SRGN: variants seen among roughly 807,000 people sequenced by gnomAD.
SRGN encodes serglycin.
In SRGN, 2 loss-of-function variants were observed where a neutral mutation model predicts 9.5. That is an observed-to-expected ratio of 0.21 (90% confidence interval 0.09 to 0.66). SRGN has a LOEUF of 0.66. SRGN is among the 30% of genes least tolerant of loss of function. The pLI is 0.83. For missense variants in SRGN, 170 were observed against 192.4 expected (o/e 0.88, Z 0.69); for synonymous variants, 59 against 72.3 (o/e 0.82, Z 0.93).
At position 69,104,326 on chromosome 10, in the gene SRGN, T is replaced by C; in HGVS notation, c.*206T>C. 2.0e-6 allele frequency: 1 copy of C among 511,670 alleles called. No individual in the cohort carries two copies. The highest frequency in any genetic ancestry group is 4.1e-5 in the South Asian group (1 of 24,112). The allele number at this position is 511,670 out of a possible 1,614,324, so 31.7% of individuals were successfully genotyped here. On this transcript the variant is annotated 3_prime_UTR_variant, in exon 3 of 3. Coordinates refer to ENST00000242465, the MANE Select transcript of SRGN (RefSeq NM_002727.4). ...TTATCTATTTTATTGTTCTTGAAAA[T>C]ACCTGCATTTTTTGGTATCATGTTC...
intron 1 of SRGN, 73 bp from the exon 2 acceptor site, chr10:69,097,011 A>G (rs1840187963): frequency 6.7e-7 from 1 of 1,501,224 alleles, no homozygotes; most frequent in Non-Finnish European, 9.0e-7. Flanking sequence ...AAATAAAAAT[A>G]AAAACTTCTT....
At chr10:69,096,880 GCTA>G (rs1381801994) in intron 1 of SRGN, among the ~76,000 whole-genome samples, 1 of 152,098 alleles carries the variant, frequency 6.6e-6, no homozygotes, top group African/African-American at 2.4e-5. Flanking sequence ...TGTATTCCCA[GCTA>G]CTCAAGAGGC....
chr10:69,094,126 A>G (rs1281043159), intron 1 of SRGN, among the ~76,000 whole-genome samples: 5 of 152,148 alleles, frequency 3.3e-5, no homozygotes, highest in African/African-American at 1.2e-4. Context: ...AGATGAGAAA[A>G]TTGAGGCACA....
intron 2 of SRGN, among the ~76,000 whole-genome samples, chr10:69,100,748 T>A (rs1203851097): frequency 3.3e-5 from 5 of 152,088 alleles, no homozygotes; most frequent in Non-Finnish European, 5.9e-5. Context: ...CCCAGGGCTG[T>A]GGCTGACTTT....
rs373001805 is a variant in SRGN, at chr10:69,094,310, A to T, written c.80-2774A>T. 1.2e-4 allele frequency among the ~76,000 whole-genome samples: 18 copies of T among 152,368 alleles called. No homozygotes were observed. The East Asian group carries it at 3.3e-3, about 28-fold the overall frequency. On this transcript the variant is annotated intron_variant, in intron 1 of 2. Coordinates refer to ENST00000242465, the MANE Select transcript of SRGN (RefSeq NM_002727.4). Reference sequence around the variant, plus strand: ...CTCAGGAATCATAGGAAAGATTATGATAGAATAATATATAGTTACAAAGAA... The same window carrying T: ...CTCAGGAATCATAGGAAAGATTATGTTAGAATAATATATAGTTACAAAGAA...
Position 69,088,151 on chromosome 10 carries a change from G to A in SRGN, c.-7G>A, listed in dbSNP as rs1217488103. ...CGTGCAGCTGGGAGAGCTAGACTAAGTTGGTCATGATGCAGAAGCTACTCA... is the reference window on the plus strand; with the variant it reads ...CGTGCAGCTGGGAGAGCTAGACTAAATTGGTCATGATGCAGAAGCTACTCA... On this transcript the variant is annotated 5_prime_UTR_variant, in exon 1 of 3. Coordinates refer to ENST00000242465, the MANE Select transcript of SRGN (RefSeq NM_002727.4). The A allele has an allele frequency of 6.2e-7, 1 of 1,613,990 alleles. No homozygotes were observed.
chr10:69,095,481 A>G (rs1041873579), intron 1 of SRGN, among the ~76,000 whole-genome samples: 7 of 152,098 alleles, frequency 4.6e-5, no homozygotes, highest in Non-Finnish European at 1.5e-5. Context: ...TATTAGTTGC[A>G]CTCATTAGAA....
At chr10:69,102,349 G>A (rs1307934358) in intron 2 of SRGN, among the ~76,000 whole-genome samples, 2 of 152,094 alleles carry the variant, frequency 1.3e-5, no homozygotes, top group African/African-American at 4.8e-5. Flanking sequence ...TCATTTCTCT[G>A]TGCCACCTAT....
intron 1 of SRGN, among the ~76,000 whole-genome samples, chr10:69,093,203 G>A (rs1366110896): frequency 2.6e-5 from 4 of 152,162 alleles, no homozygotes; most frequent in Non-Finnish European, 5.9e-5. Flanking sequence ...ATGTGGCAAG[G>A]CCAAATTGGG....
intron 1 of SRGN, 97 bp from the exon 2 acceptor site, chr10:69,096,987 C>T (rs1840187639): frequency 3.0e-6 from 4 of 1,323,628 alleles, no homozygotes; most frequent in Middle Eastern, 2.1e-4. Flanking sequence ...GACTGAGACC[C>T]TGTCTCGAAA....
At chr10:69,096,618 G>A (rs1399735065) in intron 1 of SRGN, among the ~76,000 whole-genome samples, 3 of 152,160 alleles carry the variant, frequency 2.0e-5, no homozygotes, top group Non-Finnish European at 4.4e-5. Context: ...GCTGTTATAT[G>A]AATGGGCACA....
intron 2 of SRGN, among the ~76,000 whole-genome samples, chr10:69,103,308 T>TC (rs1429954877): frequency 0.011 from 507 of 46,462 alleles, 1 homozygote; most frequent in African/African-American, 0.023. Flanking sequence ...CCCAGCACTT[T>TC]GGGAGGTGGG....
rs371278258 is a variant in SRGN, at chr10:69,097,351, C to G, written c.227+120C>G. The G allele has an allele frequency of 1.1e-4, 79 of 747,508 alleles. 1 individual carries two copies. The East Asian group carries it at 1.4e-3, about 14-fold the overall frequency. The allele number at this position is 747,508 out of a possible 1,614,324, so 46.3% of individuals were successfully genotyped here. ...TCTTAGCTCACTGCAACCTCCGCCT[C>G]CTGGGTTCAAGCGATTCTCCTGCTT... On this transcript the variant is annotated intron_variant, in intron 2 of 2. Coordinates refer to ENST00000242465, the MANE Select transcript of SRGN (RefSeq NM_002727.4).
At chr10:69,098,923 C>T (rs995753968) in intron 2 of SRGN, 1 of 151,832 alleles carries the variant, frequency 6.6e-6, no homozygotes, top group Non-Finnish European at 1.5e-5. Flanking sequence ...TGCCATTGCA[C>T]TCCAGCCTAG....
At chr10:69,101,632 G>A (rs1840294328) in intron 2 of SRGN, among the ~76,000 whole-genome samples, 1 of 152,098 alleles carries the variant, frequency 6.6e-6, no homozygotes, top group Non-Finnish European at 1.5e-5. Context: ...CCTCCTGAAA[G>A]GGCCACCCAT....
intron 1 of SRGN, among the ~76,000 whole-genome samples, chr10:69,091,483 G>A (rs1052240162): frequency 6.6e-6 from 1 of 152,154 alleles, no homozygotes; most frequent in African/African-American, 2.4e-5. Context: ...CTCCGGCTTA[G>A]ATAATGCTAC....
chr10:69,093,853 C>T (rs570004034), intron 1 of SRGN, among the ~76,000 whole-genome samples: 24 of 152,050 alleles, frequency 1.6e-4, no homozygotes, highest in African/African-American at 5.5e-4. Context: ...GCAACAGAGC[C>T]AGACTCTATC....
chr10:69,087,935 A>G (rs1287798771), upstream of SRGN, among the ~76,000 whole-genome samples: 1 of 152,182 alleles, frequency 6.6e-6, no homozygotes, highest in Non-Finnish European at 1.5e-5. Context: ...AGTCCAGTAC[A>G]GTTTCATAAT....
At chr10:69,097,746 T>G (rs1384686230) in intron 2 of SRGN, among the ~76,000 whole-genome samples, 2 of 152,114 alleles carry the variant, frequency 1.3e-5, no homozygotes, top group Non-Finnish European at 2.9e-5. Context: ...GTATTATTAG[T>G]AGAGACGGGC....
Sources: gnomAD v4.1 joint callset for allele counts (sites outside exome capture counted in the v4.1 genomes callset) on GRCh38, gnomAD v4.1.1 for gene constraint, MANE v1.5 for transcripts, NCBI Gene and HGNC (gene_info 2026-07-23, HGNC 2026-07-21) for gene names.